DKC1: variants seen among roughly 807,000 people sequenced by gnomAD.
DKC1 encodes the protein dyskerin pseudouridine synthase 1.
In DKC1, 4 loss-of-function variants were observed where a neutral mutation model predicts 46.7. The ratio of observed to expected loss-of-function variants is 0.09; its 90% CI spans 0.04 to 0.20. The LOEUF is 0.20. Ranked by LOEUF, DKC1 falls within the 10% of genes least tolerant of loss-of-function variation. DKC1 has a pLI of 1.00. For missense variants in DKC1, 171 were observed against 404.2 expected, an observed-to-expected ratio of 0.42 and a Z score of 4.95; for synonymous variants, 141 against 142.4, an observed-to-expected ratio of 0.99 and a Z score of 0.07.
intron 8 of DKC1, among the ~76,000 whole-genome samples, 158 bp from the exon 9 acceptor site, chrX:154,768,993 CAAAAAAAAAAAAAAAA>C: frequency 6.1e-5 from 1 of 16,349 alleles, no homozygotes. Flanking sequence ...GACTCCGTCT[CAAAAAAAAAAAAAAAA>C]AAAAAAAAAA....
Position 154,762,877 on chromosome X carries a change from C to T in DKC1, c.-89C>T, listed in dbSNP as rs2071696685. 4 of 1,101,284 alleles carry T rather than the reference C, an allele frequency of 3.6e-6. No homozygotes were observed. In the Admixed American group the frequency reaches 1.0e-4, roughly 29 times the overall value. 90.8% of individuals were successfully genotyped at this position (1,101,284 alleles called of 1,213,427 possible). On this transcript the variant is annotated 5_prime_UTR_variant, in exon 1 of 15. Transcript: ENST00000369550. ...CAGTGCGCGGGTGGGTGGGTCCTAG[C>T]AGCGCGGCCTGACGGGACCAAGGCG...
At chrX:154,774,824 G>A (rs1557265473) in intron 12 of DKC1, 119 bp downstream of exon 12, 3 of 639,535 alleles carry the variant, frequency 4.7e-6, no homozygotes, top group African/African-American at 2.2e-5. Context: ...CCATCTGGAC[G>A]CAGGAGTACA....
At chrX:154,766,123 G>A in intron 4 of DKC1, 93 bp from the exon 5 acceptor site, 1 of 1,040,205 alleles carries the variant, frequency 9.6e-7, no homozygotes, top group Non-Finnish European at 1.4e-6. Flanking sequence ...TGTACCCGCA[G>A]TGAATTATTT....
chrX:154,763,037 G>A (rs1030692144), intron 1 of DKC1, 56 bp downstream of exon 1: 1 of 1,142,723 alleles, frequency 8.8e-7, no homozygotes, highest in East Asian at 3.2e-5. Context: ...GGGAACGGGG[G>A]TGGGGGGATG....
intron 12 of DKC1, 63 bp downstream of exon 12, chrX:154,774,768 G>C (rs2071874080): frequency 1.0e-6 from 1 of 981,148 alleles, no homozygotes; most frequent in Non-Finnish European, 1.5e-6. Context: ...CCTTGATGCA[G>C]GAGTATGTCA....
Position 154,774,648 on chromosome X carries a change from A to G in DKC1, c.1202A>G (p.His401Arg). 8.3e-7 allele frequency: 1 copy of G among 1,212,009 alleles called. No individual in the cohort carries two copies. The highest frequency in any genetic ancestry group is 1.1e-6 in the Non-Finnish European group (1 of 895,521). ...ATCAAGCAGGGCCTTCTGGACAAGCATGGGAAGCCCACAGACAGCACACCT... is the reference window on the plus strand; with the variant it reads ...ATCAAGCAGGGCCTTCTGGACAAGCGTGGGAAGCCCACAGACAGCACACCT... ...LMIKQGLLDKHGKPTDSTPAT... is the reference protein window; with the variant it reads ...LMIKQGLLDKRGKPTDSTPAT... Residue 401 changes from histidine (H) to arginine (R), a missense_variant, in exon 12 of 15, where the codon CAT becomes CGT. Transcript: ENST00000369550.
At chrX:154,771,521 C>T (rs2071826421) in intron 10 of DKC1, among the ~76,000 whole-genome samples, 1 of 107,048 alleles carries the variant, frequency 9.3e-6, no homozygotes, top group South Asian at 4.2e-4. Flanking sequence ...CCATCCCTAC[C>T]TCCCTGCCAG....
chrX:154,772,599 G>T (rs1250066194), intron 10 of DKC1, among the ~76,000 whole-genome samples: 1 of 112,497 alleles, frequency 8.9e-6, no homozygotes, highest in Non-Finnish European at 1.9e-5. Context: ...TAAAGTACCA[G>T]TGTTTTTTAA....
intron 13 of DKC1, 68 bp from the exon 14 acceptor site, chrX:154,776,119 G>C: frequency 8.5e-7 from 1 of 1,178,121 alleles, no homozygotes; most frequent in African/African-American, 1.7e-5. Context: ...GCTACCTTTT[G>C]ACTCACTGAA....
At chrX:154,765,307 C>A in intron 2 of DKC1, 137 bp from the exon 3 acceptor site, 1 of 590,911 alleles carries the variant, frequency 1.7e-6, no homozygotes, top group Non-Finnish European at 3.0e-6. Flanking sequence ...TCTTCTCTCT[C>A]TTTCCCTTGG....
chrX:154,762,926 C>T lies in DKC1; in HGVS notation c.-40C>T. On this transcript the variant is annotated 5_prime_UTR_variant, in exon 1 of 15. Transcript: ENST00000369550. ...CGGCGGGAGTCTGCGGTCGTTCCCT[C>T]GGCTGTGGACCGGGCGGCACGCACG... 1 of 1,172,395 alleles carries T rather than the reference C, an allele frequency of 8.5e-7. No homozygotes were observed. Among genetic ancestry groups the T allele is most frequent in the African/African-American group, 1.8e-5 (1 of 56,691 alleles).
intron 12 of DKC1, 186 bp downstream of exon 12, chrX:154,774,891 A>C: frequency 1.8e-6 from 1 of 569,850 alleles, no homozygotes; most frequent in East Asian, 3.3e-5. Flanking sequence ...GGGGAGGGGG[A>C]GTCACTTGGT....
intron 14 of DKC1, among the ~76,000 whole-genome samples, 196 bp from the exon 15 acceptor site, chrX:154,776,602 CT>C (rs1306614678): frequency 8.9e-6 from 1 of 111,892 alleles, no homozygotes; most frequent in African/African-American, 3.3e-5. Flanking sequence ...AATGTTTCCA[CT>C]TCCAAAAGTA....
chrX:154,776,369 G>A, intron 14 of DKC1, 45 bp downstream of exon 14: 1 of 1,164,395 alleles, frequency 8.6e-7, no homozygotes, highest in Middle Eastern at 2.7e-4. Context: ...CTTAGTCCCT[G>A]CGTGGGGAAA....
In DKC1 at chrX:154,774,619, G is replaced by A. The variant is rs1557265407; in HGVS notation, c.1173G>A (p.Leu391=). ...TCCACCAGGCAAGTCAGAAGAAGCTGATGATCAAGCAGGGCCTTCTGGACA... is the reference window on the plus strand; with the variant it reads ...TCCACCAGGCAAGTCAGAAGAAGCTAATGATCAAGCAGGGCCTTCTGGACA... ...GLGPKASQKK[L]MIKQGLLDKH... is the part of the protein sequence containing the mutation. The change falls in exon 12 of 15, where the codon CTG becomes CTA. Residue 391 remains leucine (L), a synonymous_variant. Coordinates refer to ENST00000369550, the MANE Select transcript of DKC1 (RefSeq NM_001363.5). 8.3e-7 allele frequency: 1 copy of A among 1,211,696 alleles called. No homozygotes were observed. Among genetic ancestry groups the A allele is most frequent in the South Asian group, 1.8e-5 (1 of 56,971 alleles).
chrX:154,769,366 T>C, intron 9 of DKC1, 56 bp downstream of exon 9: 1 of 1,121,394 alleles, frequency 8.9e-7, no homozygotes, highest in Non-Finnish European at 1.2e-6. Context: ...AAGATGAGGC[T>C]TGCTCTTTTT....
At chrX:154,772,138 CATTT>C (rs1157211161) in intron 10 of DKC1, among the ~76,000 whole-genome samples, 1 of 112,216 alleles carries the variant, frequency 8.9e-6, no homozygotes, top group African/African-American at 3.2e-5. Flanking sequence ...GCCTGTTTGC[CATTT>C]ATTTGTCTTC....
chrX:154,775,173 C>G, intron 12 of DKC1, 22 bp from the exon 13 acceptor site: 1 of 1,199,128 alleles, frequency 8.3e-7, no homozygotes, highest in Non-Finnish European at 1.1e-6. Flanking sequence ...GTGAATTTGA[C>G]CTATTGCTAC....
intron 11 of DKC1, among the ~76,000 whole-genome samples, chrX:154,773,944 C>G (rs189831521): frequency 6.3e-5 from 7 of 110,648 alleles, no homozygotes; most frequent in Non-Finnish European, 1.3e-4. Flanking sequence ...GACCCCCCCC[C>G]ACCTCCCTCC....
Sources: allele counts gnomAD v4.1 joint callset (sites outside exome capture counted in the v4.1 genomes callset), GRCh38; gene constraint gnomAD v4.1.1; transcripts MANE v1.5; gene names NCBI Gene and HGNC (gene_info 2026-07-23, HGNC 2026-07-21).